SEC11A: variants seen among roughly 807,000 people sequenced by gnomAD.
SEC11A encodes SEC11 homolog A, signal peptidase complex subunit.
Under a neutral mutation model 25.6 loss-of-function variants are expected in SEC11A, and 14 were observed. The observed-to-expected ratio is 0.55, with a 90% CI of 0.36 to 0.85. The LOEUF is 0.85. Ranked by LOEUF, SEC11A falls within the 40% of genes least tolerant of loss-of-function variation. The pLI, the probability that SEC11A is intolerant of heterozygous loss-of-function variation, is 0.01. For synonymous variants in SEC11A, 83 were observed against 76.4 expected (o/e 1.09, Z -0.45); for missense variants, 153 against 222.9 (o/e 0.69, Z 2.00).
In SEC11A at chr15:84,669,842, T is replaced by C; in HGVS notation, c.*177A>G. ...AAGTCCCCTCGAGTGCACTCTGTGG[T>C]GCACATGCGCCCGCCCACACAAACT... On this transcript the variant is annotated 3_prime_UTR_variant, in exon 6 of 6. Transcript: ENST00000268220. The C allele has an allele frequency of 8.9e-7, 1 of 1,123,094 alleles. No individual in the cohort carries two copies. The highest frequency in any genetic ancestry group is 1.3e-6 in the Non-Finnish European group (1 of 784,202). The allele number at this position is 1,123,094 out of a possible 1,614,324, so 69.6% of individuals were successfully genotyped here. A position where few individuals can be genotyped will look rare whatever the true frequency, so the allele number is the denominator to read the frequency against.
At chr15:84,708,283 T>G (rs1421993730) in intron 1 of SEC11A, among the ~76,000 whole-genome samples, 6 of 151,340 alleles carry the variant, frequency 4.0e-5, no homozygotes, top group Admixed American at 1.3e-4. Context: ...TTACTTGTGA[T>G]GTTCTTGTGT....
intron 1 of SEC11A, among the ~76,000 whole-genome samples, chr15:84,714,087 T>C (rs939105503): frequency 2.9e-5 from 4 of 139,598 alleles, no homozygotes; most frequent in Non-Finnish European, 1.5e-5. Context: ...GGTGGCACGA[T>C]CTCAGCTCAC....
At chr15:84,683,795 GA>G (rs1217341009) in intron 3 of SEC11A, among the ~76,000 whole-genome samples, 1 of 150,496 alleles carries the variant, frequency 6.6e-6, no homozygotes, top group East Asian at 1.9e-4. Context: ...AAAGTGCTGG[GA>G]TAACAGGCCT....
At chr15:84,700,673 T>C (rs1014403024) in intron 1 of SEC11A, among the ~76,000 whole-genome samples, 1 of 127,566 alleles carries the variant, frequency 7.8e-6, no homozygotes, top group African/African-American at 3.0e-5. Flanking sequence ...TAAGTAGAGA[T>C]GTGGATGATA....
At chr15:84,683,178 G>C (rs1466596118) in intron 3 of SEC11A, among the ~76,000 whole-genome samples, 2 of 152,196 alleles carry the variant, frequency 1.3e-5, no homozygotes, top group African/African-American at 4.8e-5. Flanking sequence ...GAGGACAGGT[G>C]CTAGGAGGGG....
chr15:84,700,615 A>AGGT, intron 1 of SEC11A, among the ~76,000 whole-genome samples: 1 of 57,456 alleles, frequency 1.7e-5, no homozygotes, highest in African/African-American at 5.8e-5. Flanking sequence ...AAAAAAAAAA[A>AGGT]AAAAAAAAAA....
At chr15:84,670,571 G>T in intron 5 of SEC11A, 154 bp downstream of exon 5, 1 of 453,726 alleles carries the variant, frequency 2.2e-6, no homozygotes, top group Non-Finnish European at 4.0e-6. Flanking sequence ...ATAGAGACGG[G>T]GTTTCGCTAT....
chr15:84,691,431 A>G, intron 2 of SEC11A, 104 bp downstream of exon 2: 1 of 652,150 alleles, frequency 1.5e-6, no homozygotes, highest in Non-Finnish European at 2.7e-6. Context: ...CCTTTTCTGG[A>G]AAAGAGTAGT....
At chr15:84,679,278 C>A in intron 4 of SEC11A, 1 of 1,258,600 alleles carries the variant, frequency 7.9e-7, no homozygotes, top group Non-Finnish European at 1.0e-6. Flanking sequence ...TTCTCAGAAG[C>A]ACTGATGACC....
chr15:84,681,516 G>C (rs751002052), intron 3 of SEC11A, among the ~76,000 whole-genome samples: 6 of 152,132 alleles, frequency 3.9e-5, no homozygotes, highest in Non-Finnish European at 7.4e-5. Context: ...TGTAGTCCCA[G>C]CTACTCAGGA....
chr15:84,708,694 G>T (rs148406036), intron 1 of SEC11A, among the ~76,000 whole-genome samples: 1 of 152,064 alleles, frequency 6.6e-6, no homozygotes, highest in East Asian at 1.9e-4. Flanking sequence ...AGGCTGAGGT[G>T]GGGGGATAGC....
chr15:84,686,699 CTTTCT>C (rs1897434925), intron 3 of SEC11A: 1 of 152,288 alleles, frequency 6.6e-6, no homozygotes, highest in Non-Finnish European at 1.5e-5. Flanking sequence ...TCTTTCATTT[CTTTCT>C]TTTTTCTTTT....
In SEC11A at chr15:84,714,354, T is replaced by C. The variant is rs111995804; in HGVS notation, c.51+1671A>G. On this transcript the variant is annotated intron_variant, in intron 1 of 5. Coordinates refer to ENST00000268220, the MANE Select transcript of SEC11A (RefSeq NM_014300.4). ...GCAAATCACTAAAGCTCTCTAACAA[T>C]GACATCGACCACAGTACAGCCAATA... is the stretch of plus-strand genomic sequence containing the variant. Among the ~76,000 whole-genome samples, 542 of 152,284 alleles carry C rather than the reference T, an allele frequency of 3.6e-3. 5 individuals are homozygous for C. The highest frequency in any genetic ancestry group is 0.013 in the African/African-American group (527 of 41,562).
chr15:84,684,309 G>A (rs552959261), intron 3 of SEC11A, among the ~76,000 whole-genome samples: 1 of 152,282 alleles, frequency 6.6e-6, no homozygotes, highest in East Asian at 1.9e-4. Context: ...CATGGGGGCA[G>A]GTCTTTCCCA....
chr15:84,703,454 C>T (rs963557729), intron 1 of SEC11A, among the ~76,000 whole-genome samples: 1 of 152,196 alleles, frequency 6.6e-6, no homozygotes, highest in Non-Finnish European at 1.5e-5. Context: ...GCATTTACTG[C>T]CTCATGAGGA....
chr15:84,683,485 T>C (rs554777571), intron 3 of SEC11A, among the ~76,000 whole-genome samples: 2 of 152,276 alleles, frequency 1.3e-5, no homozygotes, highest in East Asian at 3.9e-4. Context: ...TATAGTTTTT[T>C]TGAAAAAGCA....
chr15:84,696,547 G>GTA (rs2141904054), intron 1 of SEC11A, among the ~76,000 whole-genome samples: 1 of 152,280 alleles, frequency 6.6e-6, no homozygotes, highest in East Asian at 1.9e-4. Context: ...ATTCTACAAT[G>GTA]TATATAGCTC....
intron 1 of SEC11A, among the ~76,000 whole-genome samples, chr15:84,693,167 AG>A (rs1293457111): frequency 6.6e-5 from 10 of 152,134 alleles, no homozygotes; most frequent in African/African-American, 2.2e-4. Context: ...CAACTGTCCT[AG>A]TCTCTTCAAA....
intron 1 of SEC11A, chr15:84,714,692 CT>C (rs1898401275): frequency 6.6e-6 from 1 of 152,130 alleles, no homozygotes; most frequent in South Asian, 2.1e-4. Context: ...CTCACAAAGT[CT>C]CATTTTCTTC....
Sources: gnomAD v4.1 joint callset for allele counts (sites outside exome capture counted in the v4.1 genomes callset) on GRCh38, gnomAD v4.1.1 for gene constraint, MANE v1.5 for transcripts, NCBI Gene and HGNC (gene_info 2026-07-23, HGNC 2026-07-21) for gene names.